The following BICD1 variants were observed in gnomAD, a reference collection of about 807,000 sequenced individuals.
BICD1 encodes the protein BICD cargo adaptor 1.
In BICD1, 35 loss-of-function variants were observed where a neutral mutation model predicts 92.5. The observed-to-expected ratio is 0.38, with a 90% CI of 0.29 to 0.50. The LOEUF is 0.50. BICD1 is among the 20% of genes least tolerant of loss of function. The pLI is 0.93. For synonymous variants in BICD1, 429 were observed against 465.1 expected (o/e 0.92, Z 1.00); for missense variants, 950 against 1,189.8 (o/e 0.80, Z 2.97).
intron 1 of BICD1, among the ~76,000 whole-genome samples, chr12:32,127,821 A>G (rs1942395629): frequency 6.6e-6 from 1 of 152,064 alleles, no homozygotes; most frequent in Non-Finnish European, 1.5e-5. Context: ...ACATGTTTTT[A>G]TAAGCAAAGC....
chr12:32,316,699 C>CT (rs1387397356), intron 4 of BICD1, among the ~76,000 whole-genome samples: 5 of 150,814 alleles, frequency 3.3e-5, no homozygotes, highest in Admixed American at 2.0e-4. Flanking sequence ...TTTTTTTTTT[C>CT]TTTTTTTAAA....
chr12:32,358,268 T>G (rs1442673826), intron 8 of BICD1, among the ~76,000 whole-genome samples: 1 of 151,722 alleles, frequency 6.6e-6, no homozygotes, highest in Non-Finnish European at 1.5e-5. Flanking sequence ...GCCCAGCTAA[T>G]TTTTGTTATT....
rs568784734 is a variant in BICD1 at position 32,270,016 on chromosome 12, G to A, written c.427-23978G>A. Among the ~76,000 whole-genome samples the A allele has an allele frequency of 5.9e-5, 9 of 151,782 alleles. 1 individual carries two copies. The South Asian group carries it at 1.9e-3, about 32-fold the overall frequency. Reference sequence around the variant, plus strand: ...ACGTACCTATAGTCCCAGCTACTCGGGAGGCCGAGGCAGGAGAATTGCTGA... The same window carrying A: ...ACGTACCTATAGTCCCAGCTACTCGAGAGGCCGAGGCAGGAGAATTGCTGA... On this transcript the variant is annotated intron_variant, in intron 2 of 9. Transcript: ENST00000652176.
intron 2 of BICD1, among the ~76,000 whole-genome samples, chr12:32,221,536 T>C (rs1413358660): frequency 6.6e-6 from 1 of 151,518 alleles, no homozygotes; most frequent in African/African-American, 2.4e-5. Context: ...ACAAAAAATT[T>C]AGCTGGGTGT....
At chr12:32,305,422 TAG>T (rs1356655898) in intron 3 of BICD1, among the ~76,000 whole-genome samples, 2 of 151,614 alleles carry the variant, frequency 1.3e-5, no homozygotes, top group Admixed American at 6.6e-5. Flanking sequence ...TTGAATTATA[TAG>T]AGAGTTATAT....
At chr12:32,217,694 A>G (rs1409541205) in intron 2 of BICD1, among the ~76,000 whole-genome samples, 2 of 152,212 alleles carry the variant, frequency 1.3e-5, no homozygotes, top group African/African-American at 4.8e-5. Context: ...TCCAACGTGA[A>G]CAACTGTTAA....
chr12:32,367,907 C>A, intron 9 of BICD1, 162 bp downstream of exon 9: 1 of 639,372 alleles, frequency 1.6e-6, no homozygotes, highest in Non-Finnish European at 2.7e-6. Context: ...GCAGTCCCTG[C>A]GTTCCCAGTA....
chr12:32,319,860 A>G (rs1335479922), intron 4 of BICD1, among the ~76,000 whole-genome samples: 1 of 152,034 alleles, frequency 6.6e-6, no homozygotes, highest in Non-Finnish European at 1.5e-5. Flanking sequence ...TAGTTTTGGT[A>G]TCAGAGTAAT....
At chr12:32,117,711 T>TACACACACACACACACACACACACAC (rs747943737) in intron 1 of BICD1, among the ~76,000 whole-genome samples, 1 of 117,038 alleles carries the variant, frequency 8.5e-6, no homozygotes, top group Admixed American at 1.0e-4. Context: ...CAAATATATA[T>TACACACACACACACACACACACACAC]ACACACACAC....
At chr12:32,207,441 T>C (rs1945091796) in intron 1 of BICD1, among the ~76,000 whole-genome samples, 1 of 152,216 alleles carries the variant, frequency 6.6e-6, no homozygotes, top group African/African-American at 2.4e-5. Context: ...GAAAATATGA[T>C]ATGCTATTTA....
intron 8 of BICD1, among the ~76,000 whole-genome samples, chr12:32,361,397 A>G (rs1939319735): frequency 6.6e-6 from 1 of 151,936 alleles, no homozygotes; most frequent in African/African-American, 2.4e-5. Context: ...CACCAAACAT[A>G]CAAAAATTAG....
intron 2 of BICD1, among the ~76,000 whole-genome samples, chr12:32,234,671 C>CTTT (rs112868471): frequency 3.3e-5 from 4 of 120,736 alleles, no homozygotes; most frequent in African/African-American, 6.6e-5. Context: ...TTTTTTCTTT[C>CTTT]TTTTTTTTTT....
intron 1 of BICD1, among the ~76,000 whole-genome samples, chr12:32,152,293 G>A (rs956604989): frequency 6.7e-5 from 10 of 150,068 alleles, no homozygotes; most frequent in Admixed American, 2.0e-4. Context: ...CTGTCACATA[G>A]GCTGGTGTGC....
chr12:32,220,216 TG>T (rs1373029518), intron 2 of BICD1, among the ~76,000 whole-genome samples: 3 of 152,010 alleles, frequency 2.0e-5, no homozygotes, highest in African/African-American at 4.8e-5. Context: ...CCAAAAGCAA[TG>T]GCAACAAAAG....
At chr12:32,295,416 C>A (rs1332775292) in intron 3 of BICD1, among the ~76,000 whole-genome samples, 1 of 152,088 alleles carries the variant, frequency 6.6e-6, no homozygotes. Context: ...AGATCAACAG[C>A]CTATGTGCCA....
chr12:32,333,251 T>C, intron 5 of BICD1: 1 of 985,252 alleles, frequency 1.0e-6, no homozygotes, highest in Non-Finnish European at 1.2e-6. Context: ...AATTTCTGCC[T>C]TGTGGATAAT....
chr12:32,339,215 G>A (rs1159265102), intron 8 of BICD1: 2 of 1,247,966 alleles, frequency 1.6e-6, no homozygotes, highest in Non-Finnish European at 1.0e-6. Context: ...AGAGTTGGAA[G>A]GAATGGGATA....
At chr12:32,284,271 T>G (rs895793326) in intron 2 of BICD1, among the ~76,000 whole-genome samples, 1 of 152,228 alleles carries the variant, frequency 6.6e-6, no homozygotes, top group African/African-American at 2.4e-5. Flanking sequence ...CCAGATCAGT[T>G]GTTCTCCCTT....
chr12:32,223,244 G>A (rs537722451), intron 2 of BICD1, among the ~76,000 whole-genome samples: 2 of 152,314 alleles, frequency 1.3e-5, no homozygotes, highest in Admixed American at 1.3e-4. Flanking sequence ...GCATCCGGGT[G>A]TGGTAGCTCA....
Sources: allele counts gnomAD v4.1 joint callset (sites outside exome capture counted in the v4.1 genomes callset), GRCh38; gene constraint gnomAD v4.1.1; transcripts MANE v1.5; gene names NCBI Gene and HGNC (gene_info 2026-07-23, HGNC 2026-07-21).